COL22A1: variants seen among roughly 807,000 people sequenced by gnomAD.
COL22A1 encodes collagen type XXII alpha 1 chain.
Under a neutral mutation model 248.9 loss-of-function variants are expected in COL22A1, and 221 were observed. The observed-to-expected ratio is 0.89, with a 90% confidence interval of 0.80 to 0.99. The LOEUF (loss-of-function observed/expected upper bound fraction) is 0.99, where lower values mean the gene tolerates loss of function less well. Among genes scored for constraint, COL22A1 ranks in the 50% least tolerant of loss-of-function variants. The pLI is 0.00. For synonymous variants in COL22A1, 891 were observed against 793.4 expected, an observed-to-expected ratio of 1.12 and a Z score of -2.07; for missense variants, 2,240 against 2,179.0, an observed-to-expected ratio of 1.03 and a Z score of -0.56.
At chr8:138,766,413 G>T (rs1422125868) in intron 16 of COL22A1, among the ~76,000 whole-genome samples, 4 of 152,038 alleles carry the variant, frequency 2.6e-5, no homozygotes, top group African/African-American at 4.8e-5. Context: ...GGATACATGA[G>T]GGAAGGAAAT....
At chr8:138,912,657 C>T (rs1402974404) in intron 1 of COL22A1, among the ~76,000 whole-genome samples, 1 of 152,074 alleles carries the variant, frequency 6.6e-6, no homozygotes, top group Non-Finnish European at 1.5e-5. Context: ...GGAGGAGAAT[C>T]GCTTGAACCC....
chr8:138,808,290 T>C lies in COL22A1; in HGVS notation c.1450-478A>G, dbSNP rs968900369. Among the ~76,000 whole-genome samples the C allele has an allele frequency of 1.4e-4, 21 of 152,218 alleles. 1 individual carries two copies. The highest frequency in any genetic ancestry group is 5.1e-4 in the African/African-American group (21 of 41,462). On this transcript the variant is annotated intron_variant, in intron 9 of 64. Transcript: ENST00000303045. ...CTGAGTTCAATCATTCCACATTGTA[T>C]ACATGTATTATGACATCACTTTGTA...
intron 41 of COL22A1, among the ~76,000 whole-genome samples, chr8:138,673,319 C>T (rs1825210178): frequency 6.6e-6 from 1 of 151,622 alleles, no homozygotes; most frequent in South Asian, 2.1e-4. Flanking sequence ...AAGCAATTCT[C>T]CTGCCTCAGC....
intron 15 of COL22A1, 90 bp from the exon 16 acceptor site, chr8:138,776,100 AG>A: frequency 7.7e-7 from 1 of 1,299,254 alleles, no homozygotes; most frequent in East Asian, 2.3e-5. Context: ...ACTGCCTGGC[AG>A]CTTCCAGCCC....
chr8:138,694,045 G>T (rs1415845688), intron 34 of COL22A1, among the ~76,000 whole-genome samples: 2 of 152,122 alleles, frequency 1.3e-5, no homozygotes, highest in African/African-American at 4.8e-5. Context: ...AGAGAACCAA[G>T]ATCCAGTGCA....
intron 16 of COL22A1, among the ~76,000 whole-genome samples, chr8:138,764,255 G>A (rs554519956): frequency 1.4e-4 from 22 of 152,314 alleles, no homozygotes; most frequent in Non-Finnish European, 2.4e-4. Context: ...GGAACCTCCC[G>A]TGGGTGGGAT....
At chr8:138,722,119 A>T in intron 25 of COL22A1, 30 bp from the exon 26 acceptor site, 1 of 1,543,462 alleles carries the variant, frequency 6.5e-7, no homozygotes, top group Non-Finnish European at 8.8e-7. Context: ...CATAAATAAA[A>T]AGGAAAGGCA....
chr8:138,776,854 C>G (rs1043261693), intron 15 of COL22A1, among the ~76,000 whole-genome samples: 1 of 152,128 alleles, frequency 6.6e-6, no homozygotes, highest in Non-Finnish European at 1.5e-5. Context: ...GTGACTGTGT[C>G]GATCCCTCGT....
Position 138,862,020 on chromosome 8 carries a change from C to T in COL22A1, c.658+15730G>A, listed in dbSNP as rs1353273344. Among the ~76,000 whole-genome samples the T allele has an allele frequency of 3.9e-5, 4 of 102,330 alleles. No homozygotes were observed. In the East Asian group the frequency reaches 8.3e-4, roughly 21 times the overall value. 67.1% of individuals were successfully genotyped at this position (102,330 alleles called of 152,430 possible). A position where few individuals can be genotyped will look rare whatever the true frequency, so the allele number is the denominator to read the frequency against. ...CCTGGCCAACATGGTGAAACCCTGT[C>T]TCTACTAAAAAAAAAAAAAAAAAAA... On this transcript the variant is annotated intron_variant, in intron 3 of 64. Coordinates refer to ENST00000303045, the MANE Select transcript of COL22A1 (RefSeq NM_152888.3).
chr8:138,645,437 T>C (rs192693763), intron 47 of COL22A1, among the ~76,000 whole-genome samples: 480 of 152,342 alleles, frequency 3.2e-3, no homozygotes, highest in Non-Finnish European at 5.4e-3. Context: ...GTATTCTTTT[T>C]CTTTTGCAAT....
chr8:138,835,380 C>T (rs989319857), intron 4 of COL22A1, among the ~76,000 whole-genome samples: 9 of 152,214 alleles, frequency 5.9e-5, no homozygotes, highest in Admixed American at 1.3e-4. Flanking sequence ...TGTTTACACA[C>T]ACTAGTGTGA....
chr8:138,793,408 C>CAG (rs1216922659), intron 12 of COL22A1, among the ~76,000 whole-genome samples: 1 of 152,204 alleles, frequency 6.6e-6, no homozygotes, highest in African/African-American at 2.4e-5. Flanking sequence ...TCCCTAATCT[C>CAG]AGAGCTGCTG....
At position 138,716,810 on chromosome 8, in the gene COL22A1, C is replaced by T; in HGVS notation, c.2400+15G>A. Reference sequence around the variant, plus strand: ...AATGAATAAAATGAATGAATAAAAGCACAAACAAACAGACCTTCTCTCCAG... The same window carrying T: ...AATGAATAAAATGAATGAATAAAAGTACAAACAAACAGACCTTCTCTCCAG... On this transcript the variant is annotated intron_variant, in intron 28 of 64. Coordinates refer to ENST00000303045, the MANE Select transcript of COL22A1 (RefSeq NM_152888.3). 6.3e-7 allele frequency: 1 copy of T among 1,591,536 alleles called. No individual in the cohort carries two copies. The highest frequency in any genetic ancestry group is 8.6e-7 in the Non-Finnish European group (1 of 1,159,668).
intron 1 of COL22A1, among the ~76,000 whole-genome samples, chr8:138,908,169 T>C (rs1815167996): frequency 6.6e-6 from 1 of 152,204 alleles, no homozygotes; most frequent in African/African-American, 2.4e-5. Context: ...CTTTCAATCA[T>C]TTATGCAGTA....
At chr8:138,680,076 C>G (rs1431768363) in intron 39 of COL22A1, among the ~76,000 whole-genome samples, 3 of 152,118 alleles carry the variant, frequency 2.0e-5, no homozygotes, top group Non-Finnish European at 4.4e-5. Context: ...ATTTCATAAA[C>G]TGAAACTTTT....
At chr8:138,892,984 G>T (rs547469310) in intron 1 of COL22A1, among the ~76,000 whole-genome samples, 2 of 152,170 alleles carry the variant, frequency 1.3e-5, no homozygotes, top group Non-Finnish European at 2.9e-5. Flanking sequence ...ACTGAACTGC[G>T]TCCTTCTATC....
Position 138,588,403 on chromosome 8 carries a change from T to C in COL22A1, c.*850A>G, listed in dbSNP as rs574883646. On this transcript the variant is annotated 3_prime_UTR_variant, in exon 65 of 65. Transcript: ENST00000303045. ...CTGCCCATCATTAGGGAAACACAAG[T>C]GGATGGTCACCACATCCACTTGTTT... 3 of 152,302 alleles carry C rather than the reference T, an allele frequency of 2.0e-5. No individual in the cohort carries two copies. The South Asian group carries it at 6.2e-4, about 32-fold the overall frequency. 9.4% of individuals were successfully genotyped at this position (152,302 alleles called of 1,614,324 possible). A position where few individuals can be genotyped will look rare whatever the true frequency, so the allele number is the denominator to read the frequency against.
At chr8:138,837,372 A>C (rs1820517959) in intron 4 of COL22A1, among the ~76,000 whole-genome samples, 1 of 152,182 alleles carries the variant, frequency 6.6e-6, no homozygotes, top group Non-Finnish European at 1.5e-5. Context: ...AGTCACCCAG[A>C]CATTGGGAGA....
rs140791646 is a variant in COL22A1 at position 138,595,868 on chromosome 8, A to G, written c.4432+1036T>C. 6.2e-4 allele frequency among the ~76,000 whole-genome samples: 94 copies of G among 152,066 alleles called. No individual in the cohort carries two copies. In the East Asian group the frequency reaches 0.012, roughly 20 times the overall value. ...ATGGATTTCTCTTCTTTGCTGCAAC[A>G]AGAACTTGTGTGACTTTCTTCTCCT... On this transcript the variant is annotated intron_variant, in intron 62 of 64. Coordinates refer to ENST00000303045, the MANE Select transcript of COL22A1 (RefSeq NM_152888.3).
Sources: gnomAD v4.1 joint callset for allele counts (sites outside exome capture counted in the v4.1 genomes callset) on GRCh38, gnomAD v4.1.1 for gene constraint, MANE v1.5 for transcripts, NCBI Gene and HGNC (gene_info 2026-07-23, HGNC 2026-07-21) for gene names.